The following RBM47 variants were observed in gnomAD, a reference collection of about 807,000 sequenced individuals.
RBM47 encodes the protein RNA binding motif protein 47, also known as RNA-binding protein 47.
In RBM47, 21 loss-of-function variants were observed where a neutral mutation model predicts 47.1. The observed-to-expected ratio is 0.45, with a 90% CI of 0.32 to 0.64. The LOEUF is 0.64. Ranked by LOEUF, RBM47 falls within the 30% of genes least tolerant of loss-of-function variation. The pLI, the probability that RBM47 is intolerant of heterozygous loss-of-function variation, is 0.05. For synonymous variants in RBM47, 375 were observed against 361.7 expected, an observed-to-expected ratio of 1.04 and a Z score of -0.42; for missense variants, 708 against 870.9, an observed-to-expected ratio of 0.81 and a Z score of 2.35.
chr4:40,427,121 C>T (rs1158707206), intron 6 of RBM47: 1 of 152,192 alleles, frequency 6.6e-6, no homozygotes, highest in Non-Finnish European at 1.5e-5. Flanking sequence ...GCTTCTTAAG[C>T]TGTGACCTTA....
At chr4:40,572,543 A>T (rs1235683714) in intron 1 of RBM47, among the ~76,000 whole-genome samples, 6 of 151,968 alleles carry the variant, frequency 3.9e-5, no homozygotes, top group African/African-American at 7.2e-5. Flanking sequence ...CCCTAAAGAC[A>T]GATTAGAAAC....
intron 1 of RBM47, among the ~76,000 whole-genome samples, chr4:40,544,913 A>C (rs959583638): frequency 2.0e-5 from 3 of 152,094 alleles, no homozygotes; most frequent in African/African-American, 7.2e-5. Context: ...TCTACAAAAA[A>C]ATTTAAAATT....
intron 2 of RBM47, among the ~76,000 whole-genome samples, chr4:40,517,733 G>A (rs1388320768): frequency 6.6e-6 from 1 of 152,100 alleles, no homozygotes; most frequent in Non-Finnish European, 1.5e-5. Context: ...ATGTAAAAAT[G>A]TGAAAAGGAC....
At chr4:40,594,465 C>T (rs887521664) in intron 1 of RBM47, among the ~76,000 whole-genome samples, 4 of 152,128 alleles carry the variant, frequency 2.6e-5, no homozygotes, top group African/African-American at 7.2e-5. Flanking sequence ...TCTCATTATA[C>T]GGCTACACGT....
intron 5 of RBM47, among the ~76,000 whole-genome samples, chr4:40,434,049 C>G: frequency 7.1e-6 from 1 of 141,126 alleles, no homozygotes; most frequent in Non-Finnish European, 1.5e-5. Context: ...GTTGAAAGGA[C>G]AAACAAAAAT....
chr4:40,523,386 C>T (rs1726392406), intron 2 of RBM47, among the ~76,000 whole-genome samples: 1 of 152,166 alleles, frequency 6.6e-6, no homozygotes, highest in South Asian at 2.1e-4. Context: ...CGTGGTGGCT[C>T]ACGCCTATAA....
intron 1 of RBM47, among the ~76,000 whole-genome samples, chr4:40,596,767 A>G (rs1312380017): frequency 7.9e-5 from 12 of 152,040 alleles, no homozygotes; most frequent in Admixed American, 7.9e-4. Flanking sequence ...GTCCTTGGGA[A>G]GGATAATCAC....
intron 1 of RBM47, among the ~76,000 whole-genome samples, chr4:40,597,804 A>T (rs1734894916): frequency 6.6e-6 from 1 of 152,240 alleles, no homozygotes; most frequent in Non-Finnish European, 1.5e-5. Flanking sequence ...CTGCCCATGA[A>T]AAGGCTCTTA....
Position 40,423,688 on chromosome 4 carries a change from CTTTCTTTCTTTCTTTCTTTCTTTCTTTT to C in RBM47, c.*2188_*2215del, listed in dbSNP as rs1560337150. On this transcript the variant is annotated 3_prime_UTR_variant, in exon 7 of 7. Coordinates refer to ENST00000295971, the MANE Select transcript of RBM47 (RefSeq NM_001098634.2). Reference sequence around the variant, plus strand: ...TCTTTCTTTCTTTCTTTCTTTCTTTCTTTCTTTCTTTCTTTCTTTCTTTCTTTTCTTTCTTTTCTTTCTTCCTCTTCTT... The same window carrying C: ...TCTTTCTTTCTTTCTTTCTTTCTTTCCTTTCTTTTCTTTCTTCCTCTTCTT... 9.4e-6 allele frequency: 1 copy of C among 106,710 alleles called. No homozygotes were observed. The highest frequency in any genetic ancestry group is 4.3e-5 in the African/African-American group (1 of 23,500). The allele number at this position is 106,710 out of a possible 1,614,324, so 6.6% of individuals were successfully genotyped here. A position where few individuals can be genotyped will look rare whatever the true frequency, so the allele number is the denominator to read the frequency against.
rs1444096408 is a variant in RBM47 at position 40,425,872 on chromosome 4, T to A, written c.*32A>T. On this transcript the variant is annotated 3_prime_UTR_variant, in exon 7 of 7. Coordinates refer to ENST00000295971, the MANE Select transcript of RBM47 (RefSeq NM_001098634.2). ...AGTCAAGCGTTCCTTCAGTGGTGTT[T>A]GTGTGGTCTGTCTTCGTGCTGGTCA... 6.2e-6 allele frequency: 10 copies of A among 1,604,878 alleles called. No individual in the cohort carries two copies. Among genetic ancestry groups the A allele is most frequent in the African/African-American group, 2.7e-5 (2 of 74,760 alleles).
At chr4:40,588,340 C>T (rs571393879) in intron 1 of RBM47, among the ~76,000 whole-genome samples, 1 of 152,228 alleles carries the variant, frequency 6.6e-6, no homozygotes, top group East Asian at 1.9e-4. Flanking sequence ...GCCAGTTTCC[C>T]TTTCAGGATT....
intron 1 of RBM47, among the ~76,000 whole-genome samples, chr4:40,568,855 C>T (rs187857495): frequency 6.6e-6 from 1 of 151,848 alleles, no homozygotes. Flanking sequence ...CTGATGGGTG[C>T]CTGTAGTCCC....
At chr4:40,453,075 G>C (rs1715692787) in intron 3 of RBM47, among the ~76,000 whole-genome samples, 2 of 152,044 alleles carry the variant, frequency 1.3e-5, no homozygotes. Context: ...TCCTGACCTT[G>C]TGATCTGCCC....
At chr4:40,519,902 T>C (rs1015162414) in intron 2 of RBM47, among the ~76,000 whole-genome samples, 3 of 151,860 alleles carry the variant, frequency 2.0e-5, no homozygotes, top group African/African-American at 7.3e-5. Context: ...TCTCTTGACT[T>C]CATGATCCAC....
Position 40,535,517 on chromosome 4 carries a change from G to A in RBM47, c.-155+8905C>T, listed in dbSNP as rs562332174. 2.0e-5 allele frequency among the ~76,000 whole-genome samples: 3 copies of A among 150,394 alleles called. No individual in the cohort carries two copies. The South Asian group carries it at 6.3e-4, about 32-fold the overall frequency. On this transcript the variant is annotated intron_variant, in intron 2 of 6. Transcript: ENST00000295971. ...CTCCTGAGTAGCCGGGATTACAGGTGCCCACCACCACGTCTGGCTAATTTT... is the reference window on the plus strand; with the variant it reads ...CTCCTGAGTAGCCGGGATTACAGGTACCCACCACCACGTCTGGCTAATTTT...
chr4:40,554,557 C>A (rs116109198), intron 1 of RBM47, among the ~76,000 whole-genome samples: 1,703 of 152,142 alleles, frequency 0.011, 39 homozygotes, highest in African/African-American at 0.039. Context: ...TATATATATG[C>A]TCTCATTGAA....
At chr4:40,535,543 T>A (rs942696360) in intron 2 of RBM47, among the ~76,000 whole-genome samples, 7 of 150,154 alleles carry the variant, frequency 4.7e-5, no homozygotes, top group African/African-American at 1.7e-4. Flanking sequence ...GGCTAATTTT[T>A]GTATTTTTTT....
At position 40,426,930 on chromosome 4, in the gene RBM47, T is replaced by G. The variant is rs1261894940; in HGVS notation, c.1543-787A>C. ...AGAGAAGGCAGCGGAGAATCTACCA[T>G]CCACACAATTGATTTCACAGTAATT... is the stretch of plus-strand genomic sequence containing the variant. On this transcript the variant is annotated intron_variant, in intron 6 of 6. Coordinates refer to ENST00000295971, the MANE Select transcript of RBM47 (RefSeq NM_001098634.2). The G allele has an allele frequency of 2.0e-5, 3 of 152,116 alleles. No homozygotes were observed. In the East Asian group the frequency reaches 5.8e-4, roughly 29 times the overall value. 9.4% of individuals were successfully genotyped at this position (152,116 alleles called of 1,614,324 possible). A position where few individuals can be genotyped will look rare whatever the true frequency, so the allele number is the denominator to read the frequency against.
upstream of RBM47, chr4:40,630,380 C>T (rs1426030312): frequency 6.6e-6 from 1 of 152,340 alleles, no homozygotes; most frequent in Admixed American, 6.5e-5. Context: ...CCCCCATAAA[C>T]AAGTCGCTGG....
Sources: allele counts gnomAD v4.1 joint callset (sites outside exome capture counted in the v4.1 genomes callset), GRCh38; gene constraint gnomAD v4.1.1; transcripts MANE v1.5; gene names NCBI Gene and HGNC (gene_info 2026-07-23, HGNC 2026-07-21).